PLS1: variants seen among roughly 807,000 people sequenced by gnomAD.
The protein encoded by PLS1 is plastin 1, also known as plastin-1.
A neutral mutation model predicts 73.7 loss-of-function variants in PLS1; 32 were observed. That is an observed-to-expected ratio of 0.43 (90% CI 0.33 to 0.58). The LOEUF (loss-of-function observed/expected upper bound fraction) is 0.58. PLS1 is among the 20% of genes least tolerant of loss of function. The probability of loss-of-function intolerance (pLI) is 0.04; values close to 1 mark genes in which losing one functional copy is unlikely to be tolerated. For missense variants in PLS1, 633 were observed against 740.5 expected, an observed-to-expected ratio of 0.85 and a Z score of 1.68; for synonymous variants, 217 against 261.3, an observed-to-expected ratio of 0.83 and a Z score of 1.63.
At chr3:142,609,326 A>T (rs371492252) in intron 1 of PLS1, among the ~76,000 whole-genome samples, 2 of 152,184 alleles carry the variant, frequency 1.3e-5, no homozygotes, top group Non-Finnish European at 2.9e-5. Context: ...CAGCTCACCT[A>T]TATGCAATGA....
At position 142,712,783 on chromosome 3, in the gene PLS1, T is replaced by A. The variant is rs745954180; in HGVS notation, c.*776T>A. 6.6e-6 allele frequency: 1 copy of A among 152,562 alleles called. No homozygotes were observed. Among genetic ancestry groups the A allele is most frequent in the Non-Finnish European group, 1.5e-5 (1 of 67,966 alleles). 9.5% of individuals were successfully genotyped at this position (152,562 alleles called of 1,614,324 possible). A position where few individuals can be genotyped will look rare whatever the true frequency, so the allele number is the denominator to read the frequency against. ...AGCTTTTCATAAGTGGTATGTTTAA[T>A]TGGTCATTCAGCCAACCATCAGTAT... is the stretch of plus-strand genomic sequence containing the variant. On this transcript the variant is annotated 3_prime_UTR_variant, in exon 16 of 16. Transcript: ENST00000457734.
intron 2 of PLS1, among the ~76,000 whole-genome samples, chr3:142,665,308 A>C (rs1170648530): frequency 2.0e-5 from 3 of 151,890 alleles, no homozygotes; most frequent in Non-Finnish European, 4.4e-5. Flanking sequence ...AAAAAAAAAA[A>C]AAACCAAAAA....
chr3:142,621,895 G>GT (rs2036322344), intron 1 of PLS1, among the ~76,000 whole-genome samples: 1 of 152,176 alleles, frequency 6.6e-6, no homozygotes, highest in Non-Finnish European at 1.5e-5. Context: ...ACAGCCATCC[G>GT]TAAGTGGTCT....
At chr3:142,608,431 G>A (rs977722523) in intron 1 of PLS1, among the ~76,000 whole-genome samples, 1 of 152,180 alleles carries the variant, frequency 6.6e-6, no homozygotes, top group Non-Finnish European at 1.5e-5. Context: ...TACTATGGCA[G>A]CAAGCATCCA....
At chr3:142,637,727 ATATGTG>A in intron 1 of PLS1, among the ~76,000 whole-genome samples, 1 of 152,162 alleles carries the variant, frequency 6.6e-6, no homozygotes, top group Non-Finnish European at 1.5e-5. Flanking sequence ...TCTCCTGTGT[ATATGTG>A]TATGTGTATT....
chr3:142,700,957 G>A (rs113219075), intron 12 of PLS1, among the ~76,000 whole-genome samples: 20 of 152,322 alleles, frequency 1.3e-4, no homozygotes, highest in African/African-American at 4.8e-4. Flanking sequence ...CTGCCACCAT[G>A]TAAATAGTGC....
chr3:142,631,664 G>GA (rs71153981), intron 1 of PLS1, among the ~76,000 whole-genome samples: 17,162 of 39,402 alleles, frequency 0.44, 4,831 homozygotes, highest in Non-Finnish European at 0.57. Context: ...CCTGTCTCTA[G>GA]AAAAAAAAAA....
Position 142,600,895 on chromosome 3 carries a change from TATATATATATATATATATATA to T in PLS1, c.-37+4387_-37+4407del, listed in dbSNP as rs1185594545. 4.9e-3 allele frequency among the ~76,000 whole-genome samples: 143 copies of T among 29,454 alleles called. 4 individuals carry two copies. Among genetic ancestry groups the T allele is most frequent in the South Asian group, 0.015 (12 of 820 alleles). 19.3% of individuals were successfully genotyped at this position (29,454 alleles called of 152,430 possible). On this transcript the variant is annotated intron_variant, in intron 1 of 15. Transcript: ENST00000457734. ...CTGGTTTCATATATATATATATATATATATATATATATATATATATATTTTTTTTTTTTTTTTTTTTTTTTT... is the reference window on the plus strand; with the variant it reads ...CTGGTTTCATATATATATATATATATTTTTTTTTTTTTTTTTTTTTTTTTT...
At chr3:142,669,242 A>C in intron 2 of PLS1, 148 bp from the exon 3 acceptor site, 1 of 521,176 alleles carries the variant, frequency 1.9e-6, no homozygotes, top group Non-Finnish European at 3.4e-6. Flanking sequence ...TATTCTGTAC[A>C]GTTCAGGTAC....
intron 14 of PLS1, among the ~76,000 whole-genome samples, chr3:142,707,672 C>T (rs953456718): frequency 6.6e-6 from 1 of 152,180 alleles, no homozygotes; most frequent in Non-Finnish European, 1.5e-5. Flanking sequence ...CTCATTTATT[C>T]CATAAATATT....
At chr3:142,697,798 C>T (rs2038241703) in intron 11 of PLS1, among the ~76,000 whole-genome samples, 155 bp from the exon 12 acceptor site, 1 of 152,170 alleles carries the variant, frequency 6.6e-6, no homozygotes, top group Non-Finnish European at 1.5e-5. Flanking sequence ...GATTCTTAGA[C>T]TGGAAGTTCT....
At chr3:142,619,597 T>A (rs1436270527) in intron 1 of PLS1, 1 of 152,214 alleles carries the variant, frequency 6.6e-6, no homozygotes, top group Non-Finnish European at 1.5e-5. Flanking sequence ...CCTCCATAAA[T>A]GTGTACAGCA....
At chr3:142,649,594 C>T (rs1351748483) in intron 1 of PLS1, among the ~76,000 whole-genome samples, 1 of 151,084 alleles carries the variant, frequency 6.6e-6, no homozygotes, top group Non-Finnish European at 1.5e-5. Flanking sequence ...GCTGAGATCG[C>T]ACCACTGAAC....
chr3:142,609,992 G>A (rs897101839), intron 1 of PLS1, among the ~76,000 whole-genome samples: 7 of 152,160 alleles, frequency 4.6e-5, no homozygotes, highest in East Asian at 1.9e-4. Context: ...CCTCAGCCTC[G>A]CGAGTAGCTG....
chr3:142,700,181 T>C (rs1441103793), intron 12 of PLS1, among the ~76,000 whole-genome samples: 1 of 152,178 alleles, frequency 6.6e-6, no homozygotes, highest in African/African-American at 2.4e-5. Context: ...GAAGCAGTAC[T>C]TTCATGACAC....
At chr3:142,616,456 G>A (rs2036218037) in intron 1 of PLS1, among the ~76,000 whole-genome samples, 1 of 152,040 alleles carries the variant, frequency 6.6e-6, no homozygotes, top group South Asian at 2.1e-4. Context: ...TTATTGATTA[G>A]ATTTTTAGTC....
intron 12 of PLS1, among the ~76,000 whole-genome samples, chr3:142,701,722 C>G (rs2038336095): frequency 6.6e-6 from 1 of 152,198 alleles, no homozygotes; most frequent in Non-Finnish European, 1.5e-5. Context: ...ACCCTGAACT[C>G]CTTTCTCACC....
chr3:142,642,534 C>A (rs2036863356), intron 1 of PLS1, among the ~76,000 whole-genome samples: 1 of 152,164 alleles, frequency 6.6e-6, no homozygotes, highest in African/African-American at 2.4e-5. Flanking sequence ...CTAAATTGTG[C>A]TACAAAGTTT....
In PLS1 at chr3:142,639,383, C is replaced by T. The variant is rs2036779942; in HGVS notation, c.-36-24819C>T. Among the ~76,000 whole-genome samples the T allele has an allele frequency of 3.3e-5, 5 of 152,242 alleles. No homozygotes were observed. In the South Asian group the frequency reaches 1.0e-3, roughly 32 times the overall value. On this transcript the variant is annotated intron_variant, in intron 1 of 15. Transcript: ENST00000457734. ...GTCCCTTCATTAAGACCCTGAATCC[C>T]CTTCAAATCCACTTGGTTTTAGTAG... is the stretch of plus-strand genomic sequence containing the variant.
Sources: allele counts gnomAD v4.1 joint callset (sites outside exome capture counted in the v4.1 genomes callset), GRCh38; gene constraint gnomAD v4.1.1; transcripts MANE v1.5; gene names NCBI Gene and HGNC (gene_info 2026-07-23, HGNC 2026-07-21).